The following UTRN variants were observed in gnomAD, a reference collection of about 807,000 sequenced individuals.
UTRN encodes the protein utrophin, also known as dystrophin-related protein 1.
In UTRN, 283 loss-of-function variants were observed where a neutral mutation model predicts 463.9. The ratio of observed to expected loss-of-function variants is 0.61; its 90% CI spans 0.55 to 0.67. The LOEUF (loss-of-function observed/expected upper bound fraction) is 0.67, where lower values mean the gene tolerates loss of function less well. Ranked by LOEUF, UTRN falls within the 30% of genes least tolerant of loss-of-function variation. The pLI, the probability that UTRN is intolerant of heterozygous loss-of-function variation, is 0.00. For synonymous variants in UTRN, 1,442 were observed against 1,431.5 expected (o/e 1.01, Z -0.17); for missense variants, 3,922 against 4,084.3 (o/e 0.96, Z 1.08).
chr6:144,300,488 G>A (rs569715694), intron 2 of UTRN, among the ~76,000 whole-genome samples: 1 of 152,282 alleles, frequency 6.6e-6, no homozygotes, highest in East Asian at 1.9e-4. Context: ...GATCTTTGGG[G>A]TTATTTACCT....
At chr6:144,437,502 T>A in intron 10 of UTRN, 63 bp from the exon 11 acceptor site, 1 of 1,476,360 alleles carries the variant, frequency 6.8e-7, no homozygotes, top group Non-Finnish European at 9.0e-7. Flanking sequence ...AGCAATTTGT[T>A]CAGTCTTCCT....
intron 54 of UTRN, among the ~76,000 whole-genome samples, chr6:144,733,036 A>T (rs1788938087): frequency 6.6e-6 from 1 of 152,184 alleles, no homozygotes; most frequent in Non-Finnish European, 1.5e-5. Context: ...TCTTTGGATC[A>T]TCACCTTGAA....
At chr6:144,491,461 C>T (rs1001805005) in intron 32 of UTRN, among the ~76,000 whole-genome samples, 10 of 151,998 alleles carry the variant, frequency 6.6e-5, no homozygotes, top group African/African-American at 2.4e-4. Flanking sequence ...AAGAACCATA[C>T]TTAGAATGGA....
chr6:144,598,180 C>T (rs1014183181), intron 51 of UTRN, among the ~76,000 whole-genome samples: 14 of 152,048 alleles, frequency 9.2e-5, no homozygotes, highest in African/African-American at 3.1e-4. Flanking sequence ...TAACATGTGC[C>T]CAGGGTGATC....
At position 144,789,921 on chromosome 6, in the gene UTRN, TTCAGGAGCCAAGG is replaced by T. The variant is rs1228216366; in HGVS notation, c.8920+643_8920+655del. Among the ~76,000 whole-genome samples the T allele has an allele frequency of 2.0e-5, 3 of 152,306 alleles. No individual in the cohort carries two copies. In the East Asian group the frequency reaches 5.8e-4, roughly 29 times the overall value. On this transcript the variant is annotated intron_variant, in intron 62 of 74. Coordinates refer to ENST00000367545, the MANE Select transcript of UTRN (RefSeq NM_007124.3). ...ATATTGGCTTTGGAAAAGACTTGTG[TTCAGGAGCCAAGG>T]AGACCTGTCTTCAAATCTCTACCAC... is the stretch of plus-strand genomic sequence containing the variant.
chr6:144,429,358 G>T (rs1785584474), intron 8 of UTRN, among the ~76,000 whole-genome samples: 1 of 152,050 alleles, frequency 6.6e-6, no homozygotes, highest in African/African-American at 2.4e-5. Flanking sequence ...TTTTGGGGAG[G>T]CTTTTAGGGA....
intron 2 of UTRN, among the ~76,000 whole-genome samples, chr6:144,327,396 C>T (rs1435309706): frequency 2.6e-5 from 4 of 152,150 alleles, no homozygotes; most frequent in Non-Finnish European, 5.9e-5. Flanking sequence ...CATAACGCAA[C>T]CAGGGCCTGC....
At chr6:144,325,895 A>G (rs1775945276) in intron 2 of UTRN, among the ~76,000 whole-genome samples, 1 of 152,228 alleles carries the variant, frequency 6.6e-6, no homozygotes, top group Admixed American at 6.5e-5. Flanking sequence ...AAAATCAGAG[A>G]ATAAGAAAGA....
At chr6:144,336,718 CT>C (rs573632993) in intron 2 of UTRN, among the ~76,000 whole-genome samples, 101 of 149,240 alleles carry the variant, frequency 6.8e-4, no homozygotes, top group African/African-American at 2.1e-3. Flanking sequence ...CTCCCTCTTT[CT>C]TTTTTTTTTA....
intron 23 of UTRN, among the ~76,000 whole-genome samples, chr6:144,463,744 T>A (rs111230757): frequency 6.6e-6 from 1 of 151,944 alleles, no homozygotes; most frequent in Non-Finnish European, 1.5e-5. Context: ...CAATCAATAT[T>A]TTTCAACGAA....
intron 2 of UTRN, among the ~76,000 whole-genome samples, chr6:144,327,515 C>T (rs1344108265): frequency 1.3e-5 from 2 of 152,276 alleles, no homozygotes; most frequent in African/African-American, 4.8e-5. Flanking sequence ...CCTCCAGGCT[C>T]GGCCTTTCGC....
chr6:144,837,405 A>G (rs1248478916), intron 71 of UTRN, among the ~76,000 whole-genome samples: 1 of 152,158 alleles, frequency 6.6e-6, no homozygotes, highest in East Asian at 1.9e-4. Flanking sequence ...GATGGCACAT[A>G]GTAGTTAGGA....
rs1025966158 is a variant in UTRN, at chr6:144,422,830, A to G, written c.235-719A>G. 5.3e-5 allele frequency among the ~76,000 whole-genome samples: 8 copies of G among 152,326 alleles called. 1 individual carries two copies. In the South Asian group the frequency reaches 8.3e-4, roughly 16 times the overall value. ...AGAATTACTATCACAGTACAGAGAG[A>G]TGCACTCCTGAAGATGAATTTCTTT... On this transcript the variant is annotated intron_variant, in intron 4 of 74. Transcript: ENST00000367545.
chr6:144,425,029 C>G (rs1193859526), intron 6 of UTRN, among the ~76,000 whole-genome samples: 1 of 152,048 alleles, frequency 6.6e-6, no homozygotes, highest in Non-Finnish European at 1.5e-5. Context: ...TGTCAGTTGT[C>G]CCAATAATAT....
In UTRN at chr6:144,412,768, C is replaced by T. The variant is rs1014820373; in HGVS notation, c.142-9110C>T. Among the ~76,000 whole-genome samples the T allele has an allele frequency of 4.4e-4, 63 of 142,206 alleles. 1 individual carries two copies. Among genetic ancestry groups the T allele is most frequent in the Non-Finnish European group, 7.9e-5 (5 of 63,396 alleles). The allele number at this position is 142,206 out of a possible 152,430, so 93.3% of individuals were successfully genotyped here. ...TATATATATACACACACCATACACA[C>T]ACACACACACACACACACACACAGT... On this transcript the variant is annotated intron_variant, in intron 3 of 74. Coordinates refer to ENST00000367545, the MANE Select transcript of UTRN (RefSeq NM_007124.3).
chr6:144,464,379 T>C (rs963398860), intron 23 of UTRN, among the ~76,000 whole-genome samples: 2 of 152,042 alleles, frequency 1.3e-5, no homozygotes, highest in African/African-American at 4.8e-5. Flanking sequence ...CTGTGTGTGA[T>C]GGTAGTGACA....
At chr6:144,336,708 C>T (rs1211330346) in intron 2 of UTRN, among the ~76,000 whole-genome samples, 1 of 152,118 alleles carries the variant, frequency 6.6e-6, no homozygotes, top group East Asian at 1.9e-4. Flanking sequence ...AGAAAAATTA[C>T]TCCCTCTTTC....
intron 50 of UTRN, among the ~76,000 whole-genome samples, chr6:144,562,015 TATAG>T (rs1032804820): frequency 6.6e-6 from 1 of 152,122 alleles, no homozygotes; most frequent in Non-Finnish European, 1.5e-5. Context: ...CTGAGTGCAG[TATAG>T]ATATTCTAAA....
chr6:144,717,420 GC>G (rs1786585400), intron 53 of UTRN, among the ~76,000 whole-genome samples: 2 of 152,110 alleles, frequency 1.3e-5, no homozygotes, highest in Admixed American at 1.3e-4. Flanking sequence ...ATGTCATCTA[GC>G]TGACCATTTA....
Sources: gnomAD v4.1 joint callset for allele counts (sites outside exome capture counted in the v4.1 genomes callset) on GRCh38, gnomAD v4.1.1 for gene constraint, MANE v1.5 for transcripts, NCBI Gene and HGNC (gene_info 2026-07-23, HGNC 2026-07-21) for gene names.